ANO3: variants seen among roughly 807,000 people sequenced by gnomAD.
The protein encoded by ANO3 is anoctamin-3.
Under a neutral mutation model 144.8 loss-of-function variants are expected in ANO3, and 99 were observed. The observed-to-expected ratio is 0.68, with a 90% CI of 0.58 to 0.81. ANO3 has a LOEUF of 0.81. ANO3 is among the 30% of genes least tolerant of loss of function. The probability of loss-of-function intolerance (pLI) is 0.00; values close to 1 mark genes in which losing one functional copy is unlikely to be tolerated. For missense variants in ANO3, 905 were observed against 1,202.2 expected (o/e 0.75, Z 3.66); for synonymous variants, 414 against 392.6 (o/e 1.05, Z -0.64).
At position 26,443,747 on chromosome 11, in the gene ANO3, T is replaced by C. The variant is rs779869592; in HGVS notation, c.242-18T>C. The stretch of plus-strand genomic sequence containing the variant: ...GCTTTTATTTCCCAAAACTACAAAG[T>C]ATCTTATTTTATTTCAGTTAATACT... On this transcript the variant is annotated intron_variant, in intron 2 of 26. Coordinates refer to ENST00000256737, the MANE Select transcript of ANO3 (RefSeq NM_031418.4). The C allele has an allele frequency of 1.3e-6, 2 of 1,524,916 alleles. No homozygotes were observed. Among genetic ancestry groups the C allele is most frequent in the East Asian group, 2.3e-5 (1 of 43,964 alleles). 94.5% of individuals were successfully genotyped at this position (1,524,916 alleles called of 1,614,324 possible). A position where few individuals can be genotyped will look rare whatever the true frequency, so the allele number is the denominator to read the frequency against.
At chr11:26,531,120 T>G in intron 7 of ANO3, 85 bp from the exon 8 acceptor site, 1 of 1,468,624 alleles carries the variant, frequency 6.8e-7, no homozygotes, top group South Asian at 1.3e-5. Flanking sequence ...AGAAGTTTCT[T>G]TAGTACTTAA....
At chr11:26,572,743 G>A (rs762378409) in intron 14 of ANO3, among the ~76,000 whole-genome samples, 1 of 152,040 alleles carries the variant, frequency 6.6e-6, no homozygotes, top group Non-Finnish European at 1.5e-5. Context: ...CCCTGAGAAC[G>A]CTGTGAGGTG....
chr11:26,548,844 C>G (rs1006389081), intron 12 of ANO3, among the ~76,000 whole-genome samples: 11 of 151,762 alleles, frequency 7.2e-5, no homozygotes, highest in Non-Finnish European at 1.2e-4. Flanking sequence ...CAAACTTCGG[C>G]CCACCGGAAA....
chr11:26,350,514 A>G (rs1191244976), intron 1 of ANO3, among the ~76,000 whole-genome samples: 7 of 152,176 alleles, frequency 4.6e-5, no homozygotes, highest in Admixed American at 4.6e-4. Flanking sequence ...TAAAACCTTC[A>G]ACAATTTGTA....
At chr11:26,421,514 C>T (rs941941711) in intron 1 of ANO3, among the ~76,000 whole-genome samples, 1 of 151,936 alleles carries the variant, frequency 6.6e-6, no homozygotes, top group Non-Finnish European at 1.5e-5. Flanking sequence ...ACTTACTAAG[C>T]CCCACAGGCA....
At chr11:26,192,939 T>C (rs1049316991) in intron 1 of ANO3, among the ~76,000 whole-genome samples, 2 of 152,040 alleles carry the variant, frequency 1.3e-5, no homozygotes, top group African/African-American at 2.4e-5. Flanking sequence ...ATACTTTAAG[T>C]TCTGGATACA....
intron 4 of ANO3, among the ~76,000 whole-genome samples, chr11:26,479,415 A>T (rs1276490078): frequency 6.6e-6 from 1 of 152,198 alleles, no homozygotes; most frequent in Non-Finnish European, 1.5e-5. Context: ...TAACTTATAA[A>T]GGAAAGAGGT....
At chr11:26,531,419 T>G in intron 8 of ANO3, 83 bp downstream of exon 8, 1 of 1,440,984 alleles carries the variant, frequency 6.9e-7, no homozygotes, top group South Asian at 1.4e-5. Flanking sequence ...TGGGACCATT[T>G]CCATTGTTTA....
At chr11:26,588,173 A>G (rs1333321878) in intron 14 of ANO3, among the ~76,000 whole-genome samples, 3 of 152,176 alleles carry the variant, frequency 2.0e-5, no homozygotes, top group African/African-American at 2.4e-5. Flanking sequence ...ATAGATTACA[A>G]TGCCTCAAGA....
intron 1 of ANO3, among the ~76,000 whole-genome samples, chr11:26,382,292 A>G (rs1181964682): frequency 6.6e-6 from 1 of 152,176 alleles, no homozygotes; most frequent in Non-Finnish European, 1.5e-5. Context: ...CTATACAATG[A>G]ATATGCAACC....
chr11:26,238,662 G>A (rs1423981277), intron 1 of ANO3, among the ~76,000 whole-genome samples: 2 of 151,812 alleles, frequency 1.3e-5, no homozygotes, highest in Non-Finnish European at 2.9e-5. Context: ...TAAAATAGGA[G>A]GAAATTAATA....
chr11:26,308,770 A>C (rs1854440920), upstream of ANO3, among the ~76,000 whole-genome samples: 1 of 152,222 alleles, frequency 6.6e-6, no homozygotes, highest in Non-Finnish European at 1.5e-5. Context: ...GAAATAAAGG[A>C]ATTACTATAA....
chr11:26,258,233 T>C (rs1204173715), intron 1 of ANO3, among the ~76,000 whole-genome samples: 1 of 152,190 alleles, frequency 6.6e-6, no homozygotes, highest in African/African-American at 2.4e-5. Context: ...TAATACTCTT[T>C]GACTCTTTTA....
intron 14 of ANO3, among the ~76,000 whole-genome samples, chr11:26,583,724 GTGT>G (rs1851196958): frequency 6.6e-6 from 1 of 152,222 alleles, no homozygotes; most frequent in South Asian, 2.1e-4. Context: ...ATGTGTAGTG[GTGT>G]TGCAATAGTG....
intron 1 of ANO3, among the ~76,000 whole-genome samples, chr11:26,425,577 C>T (rs866955915): frequency 6.6e-6 from 1 of 151,996 alleles, no homozygotes; most frequent in Non-Finnish European, 1.5e-5. Flanking sequence ...TTCCTGCTCA[C>T]ACTTATTATG....
At chr11:26,522,552 G>A (rs1311428892) in intron 6 of ANO3, among the ~76,000 whole-genome samples, 1 of 151,946 alleles carries the variant, frequency 6.6e-6, no homozygotes, top group Non-Finnish European at 1.5e-5. Context: ...AAAAATTAAG[G>A]GAAAAATAAA....
chr11:26,270,736 A>G (rs185515643), intron 1 of ANO3, among the ~76,000 whole-genome samples: 4 of 152,338 alleles, frequency 2.6e-5, no homozygotes, highest in Non-Finnish European at 5.9e-5. Context: ...CTTCTCTCCA[A>G]AAGTTTATAA....
chr11:26,380,963 C>T (rs541365171), intron 1 of ANO3, among the ~76,000 whole-genome samples: 3 of 152,186 alleles, frequency 2.0e-5, no homozygotes, highest in African/African-American at 7.2e-5. Context: ...GCCTGGGTGA[C>T]AGAGCGAGAC....
chr11:26,500,772 T>C (rs1275787145), intron 4 of ANO3, among the ~76,000 whole-genome samples: 1 of 151,720 alleles, frequency 6.6e-6, no homozygotes, highest in African/African-American at 2.4e-5. Context: ...CTTTATGGTA[T>C]ATTTTGCAGA....
Sources: gnomAD v4.1 joint callset for allele counts (sites outside exome capture counted in the v4.1 genomes callset) on GRCh38, gnomAD v4.1.1 for gene constraint, MANE v1.5 for transcripts, NCBI Gene and HGNC (gene_info 2026-07-23, HGNC 2026-07-21) for gene names.